The following RABGAP1L variants were observed in gnomAD, a reference collection of about 807,000 sequenced individuals.
RABGAP1L encodes RAB GTPase activating protein 1 like.
A neutral mutation model predicts 137.7 loss-of-function variants in RABGAP1L; 63 were observed. The observed-to-expected ratio is 0.46, with a 90% CI of 0.37 to 0.56. The LOEUF (loss-of-function observed/expected upper bound fraction) is 0.56, where lower values mean the gene tolerates loss of function less well. Ranked by LOEUF, RABGAP1L falls within the 20% of genes least tolerant of loss-of-function variation. The pLI, the probability that RABGAP1L is intolerant of heterozygous loss-of-function variation, is 0.00. For synonymous variants in RABGAP1L, 431 were observed against 433.7 expected, an observed-to-expected ratio of 0.99 and a Z score of 0.08; for missense variants, 1,095 against 1,244.0, an observed-to-expected ratio of 0.88 and a Z score of 1.80.
intron 13 of RABGAP1L, among the ~76,000 whole-genome samples, chr1:174,517,572 T>C (rs1662979317): frequency 6.6e-6 from 1 of 152,198 alleles, no homozygotes; most frequent in Non-Finnish European, 1.5e-5. Context: ...AAATACACTG[T>C]AGAAGTACCT....
intron 19 of RABGAP1L, among the ~76,000 whole-genome samples, chr1:174,923,324 A>G (rs757528211): frequency 1.8e-4 from 27 of 152,216 alleles, no homozygotes; most frequent in Non-Finnish European, 3.5e-4. Flanking sequence ...AATCGACCTT[A>G]AGACTGATTT....
At chr1:174,275,119 G>A (rs538875573) in intron 8 of RABGAP1L, 1 of 152,222 alleles carries the variant, frequency 6.6e-6, no homozygotes, top group East Asian at 1.9e-4. Context: ...TTTAGTGAGA[G>A]TCAAGAGCTG....
intron 13 of RABGAP1L, among the ~76,000 whole-genome samples, chr1:174,631,834 T>C (rs931024894): frequency 5.3e-5 from 8 of 151,356 alleles, no homozygotes; most frequent in African/African-American, 1.7e-4. Flanking sequence ...TGATGGGTCC[T>C]GACTCTTTAT....
chr1:174,688,261 A>G (rs1230364542), intron 15 of RABGAP1L, among the ~76,000 whole-genome samples: 1 of 152,114 alleles, frequency 6.6e-6, no homozygotes, highest in Non-Finnish European at 1.5e-5. Flanking sequence ...GATAATTTGT[A>G]ACCCAATAAT....
intron 13 of RABGAP1L, among the ~76,000 whole-genome samples, chr1:174,465,258 G>A (rs917541947): frequency 1.3e-5 from 2 of 152,162 alleles, no homozygotes; most frequent in Admixed American, 6.5e-5. Context: ...GGAGTGCAAT[G>A]GTGTGATCTC....
At chr1:174,892,459 C>A in intron 19 of RABGAP1L, 1 of 447,930 alleles carries the variant, frequency 2.2e-6, no homozygotes. Context: ...GTTATTTGTG[C>A]CAGCTTTTTC....
intron 11 of RABGAP1L, among the ~76,000 whole-genome samples, chr1:174,356,014 G>A (rs1683604366): frequency 6.6e-6 from 1 of 152,148 alleles, no homozygotes; most frequent in African/African-American, 2.4e-5. Flanking sequence ...TTCTGATTCT[G>A]TCATTTGAGA....
chr1:174,765,046 G>A (rs550886777), intron 18 of RABGAP1L, among the ~76,000 whole-genome samples: 7 of 152,142 alleles, frequency 4.6e-5, no homozygotes, highest in East Asian at 1.9e-4. Flanking sequence ...TCATCTGTCC[G>A]TGTCAATCTC....
chr1:174,629,033 G>T (rs569349863), intron 13 of RABGAP1L, among the ~76,000 whole-genome samples: 79 of 152,138 alleles, frequency 5.2e-4, no homozygotes, highest in Non-Finnish European at 9.3e-4. Flanking sequence ...TGTAAAAATT[G>T]ACCACTACAA....
chr1:174,214,709 C>T (rs576917867), intron 1 of RABGAP1L, among the ~76,000 whole-genome samples: 116 of 152,216 alleles, frequency 7.6e-4, no homozygotes, highest in Admixed American at 1.7e-3. Context: ...TCAGTTTTGA[C>T]TAAGCTGCTA....
chr1:174,613,987 C>G (rs925548348), intron 13 of RABGAP1L, among the ~76,000 whole-genome samples: 2 of 152,128 alleles, frequency 1.3e-5, no homozygotes, highest in African/African-American at 4.8e-5. Flanking sequence ...ATACAGCACA[C>G]TGATGGGTCT....
At chr1:174,769,417 G>A (rs1321047558) in intron 18 of RABGAP1L, among the ~76,000 whole-genome samples, 2 of 152,132 alleles carry the variant, frequency 1.3e-5, no homozygotes, top group East Asian at 3.9e-4. Context: ...TTCTATAATA[G>A]TGATGTTATC....
At chr1:174,916,717 G>A (rs1349881694) in intron 19 of RABGAP1L, among the ~76,000 whole-genome samples, 5 of 152,250 alleles carry the variant, frequency 3.3e-5, no homozygotes, top group East Asian at 1.9e-4. Context: ...AGCATATCTC[G>A]TCCTTTGAAG....
chr1:174,773,084 A>C (rs1337314229), intron 18 of RABGAP1L, among the ~76,000 whole-genome samples: 3 of 152,144 alleles, frequency 2.0e-5, no homozygotes, highest in African/African-American at 7.2e-5. Context: ...AAAGTCATTC[A>C]GTTAGGCAAA....
chr1:174,390,125 C>A (rs1172918624), intron 12 of RABGAP1L, among the ~76,000 whole-genome samples: 4 of 152,120 alleles, frequency 2.6e-5, no homozygotes, highest in African/African-American at 9.7e-5. Flanking sequence ...ATTAGTACTT[C>A]TCAAGTGATA....
chr1:174,411,770 ATTTC>A (rs1257252467), intron 13 of RABGAP1L, among the ~76,000 whole-genome samples: 2 of 152,050 alleles, frequency 1.3e-5, no homozygotes, highest in African/African-American at 4.8e-5. Flanking sequence ...AGGTCATTTA[ATTTC>A]TATGTAACTG....
At chr1:174,490,642 C>T (rs1265159292) in intron 13 of RABGAP1L, among the ~76,000 whole-genome samples, 1 of 152,152 alleles carries the variant, frequency 6.6e-6, no homozygotes, top group Non-Finnish European at 1.5e-5. Flanking sequence ...GCCAGAAAGT[C>T]TTGTGTTTTT....
At chr1:174,213,996 A>G (rs1276012429) in intron 1 of RABGAP1L, among the ~76,000 whole-genome samples, 3 of 152,240 alleles carry the variant, frequency 2.0e-5, no homozygotes, top group African/African-American at 7.2e-5. Context: ...AGCTAGAGCT[A>G]TCAGACAAGA....
chr1:174,922,809 G>A (rs1157685407), intron 19 of RABGAP1L, among the ~76,000 whole-genome samples: 1 of 152,166 alleles, frequency 6.6e-6, no homozygotes, highest in African/African-American at 2.4e-5. Flanking sequence ...CCAACTACCA[G>A]CTGTGTGATT....
Sources: gnomAD v4.1 joint callset for allele counts (sites outside exome capture counted in the v4.1 genomes callset) on GRCh38, gnomAD v4.1.1 for gene constraint, MANE v1.5 for transcripts, NCBI Gene and HGNC (gene_info 2026-07-23, HGNC 2026-07-21) for gene names.